TP53INP1: variants seen among roughly 807,000 people sequenced by gnomAD.
TP53INP1 encodes the protein tumor protein p53 inducible nuclear protein 1.
TP53INP1 carries 12 observed loss-of-function variants against 21.0 expected under a neutral mutation model. The observed-to-expected ratio is 0.57, with a 90% confidence interval of 0.37 to 0.93. The LOEUF (loss-of-function observed/expected upper bound fraction) is 0.93. Among genes scored for constraint, TP53INP1 ranks in the 40% least tolerant of loss-of-function variants. The pLI, the probability that TP53INP1 is intolerant of heterozygous loss-of-function variation, is 0.01. For synonymous variants in TP53INP1, 91 were observed against 94.8 expected (o/e 0.96, Z 0.23); for missense variants, 274 against 294.7 (o/e 0.93, Z 0.51).
chr8:94,939,773 C>T (rs1367792955), intron 3 of TP53INP1, 87 bp downstream of exon 3: 1 of 1,533,176 alleles, frequency 6.5e-7, no homozygotes, highest in Non-Finnish European at 8.8e-7. Context: ...AGTTTTGCAT[C>T]TTCTAATAAC....
At chr8:94,948,782 G>A (rs1020698344) in intron 1 of TP53INP1, among the ~76,000 whole-genome samples, 1 of 152,116 alleles carries the variant, frequency 6.6e-6, no homozygotes, top group African/African-American at 2.4e-5. Context: ...GAGTGAGGAG[G>A]GGTGAGAGGA....
rs1464032704 is a variant in TP53INP1, at chr8:94,945,050, TATC to T, written c.-150-3962_-150-3960del. 2.0e-5 allele frequency among the ~76,000 whole-genome samples: 3 copies of T among 152,370 alleles called. No homozygotes were observed. In the East Asian group the frequency reaches 5.8e-4, roughly 29 times the overall value. The stretch of plus-strand genomic sequence containing the variant: ...ACATGAACACTTGAAATGTGACTAG[TATC>T]ATCGAGAAACTGCATTTTTCATTTT... On this transcript the variant is annotated intron_variant, in intron 1 of 3. Coordinates refer to ENST00000342697, the MANE Select transcript of TP53INP1 (RefSeq NM_033285.4).
chr8:94,937,253 A>G (rs763340276), intron 3 of TP53INP1, among the ~76,000 whole-genome samples: 12 of 152,070 alleles, frequency 7.9e-5, no homozygotes, highest in Non-Finnish European at 1.3e-4. Flanking sequence ...CTAGCCTGGC[A>G]AATATGGTGA....
chr8:94,944,834 G>A (rs1195598090), intron 1 of TP53INP1, among the ~76,000 whole-genome samples: 1 of 152,106 alleles, frequency 6.6e-6, no homozygotes, highest in Non-Finnish European at 1.5e-5. Flanking sequence ...TGGGGAGACT[G>A]CGCTGAATCA....
chr8:94,946,760 C>G (rs1356564860), intron 1 of TP53INP1, among the ~76,000 whole-genome samples: 1 of 142,224 alleles, frequency 7.0e-6, no homozygotes, highest in African/African-American at 2.6e-5. Context: ...CTGCTACTTG[C>G]AACCTATGTG....
chr8:94,935,126 GATAT>G (rs112603476), intron 3 of TP53INP1, among the ~76,000 whole-genome samples: 1 of 97,806 alleles, frequency 1.0e-5, no homozygotes, highest in East Asian at 2.8e-4. Context: ...TAGGTAGATA[GATAT>G]AGATAGATAG....
intron 3 of TP53INP1, among the ~76,000 whole-genome samples, chr8:94,934,319 AC>A (rs1227099130): frequency 6.6e-6 from 1 of 152,114 alleles, no homozygotes; most frequent in Non-Finnish European, 1.5e-5. Context: ...CTGACTACAC[AC>A]ACACACAACA....
At chr8:94,931,983 G>T (rs1012693649) in intron 3 of TP53INP1, 19 of 1,359,116 alleles carry the variant, frequency 1.4e-5, no homozygotes, top group Non-Finnish European at 1.9e-5. Context: ...AAAAAAGAAA[G>T]AAAGTCATTT....
intron 3 of TP53INP1, 137 bp downstream of exon 3, chr8:94,939,723 G>GT: frequency 8.1e-7 from 1 of 1,235,438 alleles, no homozygotes; most frequent in Non-Finnish European, 1.1e-6. Flanking sequence ...GGACCATCTT[G>GT]TGTACTATGC....
chr8:94,948,731 A>G (rs1822244192), intron 1 of TP53INP1, among the ~76,000 whole-genome samples: 3 of 152,088 alleles, frequency 2.0e-5, no homozygotes, highest in African/African-American at 4.8e-5. Flanking sequence ...GGGCGGCCCC[A>G]TCCAACGGCC....
chr8:94,932,243 A>C, intron 3 of TP53INP1: 1 of 863,752 alleles, frequency 1.2e-6, no homozygotes, highest in Non-Finnish European at 1.8e-6. Context: ...CATGTGCTTA[A>C]GATAACATGT....
intron 3 of TP53INP1, among the ~76,000 whole-genome samples, chr8:94,933,384 A>AG (rs1295824604): frequency 6.7e-6 from 1 of 150,100 alleles, no homozygotes; most frequent in Non-Finnish European, 1.5e-5. Flanking sequence ...ACCTTGAAAA[A>AG]GAAGGAAGGA....
At chr8:94,944,166 C>T (rs1821794477) in intron 1 of TP53INP1, among the ~76,000 whole-genome samples, 1 of 152,202 alleles carries the variant, frequency 6.6e-6, no homozygotes, top group African/African-American at 2.4e-5. Flanking sequence ...TTCTGCAGAG[C>T]ATGGTGCTGG....
chr8:94,936,907 C>T (rs1353832451), intron 3 of TP53INP1, among the ~76,000 whole-genome samples: 1 of 152,162 alleles, frequency 6.6e-6, no homozygotes, highest in African/African-American at 2.4e-5. Flanking sequence ...GAGAACCGTT[C>T]TGCCAGCCAG....
At chr8:94,939,801 T>A (rs950997480) in intron 3 of TP53INP1, 59 bp downstream of exon 3, 3 of 1,564,626 alleles carry the variant, frequency 1.9e-6, no homozygotes. Flanking sequence ...TGAATTACAG[T>A]AGAGACAAAA....
chr8:94,938,498 A>G (rs1432341087), intron 3 of TP53INP1, among the ~76,000 whole-genome samples: 2 of 152,220 alleles, frequency 1.3e-5, no homozygotes, highest in Non-Finnish European at 2.9e-5. Flanking sequence ...CAGCTTCAGG[A>G]TGGGATGTGG....
chr8:94,939,999 T>A lies in TP53INP1; in HGVS notation c.334A>T (p.Ile112Phe). The A allele has an allele frequency of 1.4e-5, 22 of 1,614,204 alleles. No individual in the cohort carries two copies. The highest frequency in any genetic ancestry group is 1.9e-5 in the Non-Finnish European group (22 of 1,180,030). Residue 112 changes from isoleucine to phenylalanine, a missense_variant, in exon 3 of 4, where the codon ATC becomes TTC. Ile to Phe is a conservative substitution (Grantham distance 21). Transcript: ENST00000342697. ...PCFTAGGLTT[I>F]KVETSPMENL... ...TCCATAGGACTTGTTTCCACCTTGA[T>A]AGTGGTTAATCCACCTGCAGTAAAA...
intron 1 of TP53INP1, among the ~76,000 whole-genome samples, chr8:94,944,787 T>C (rs1018894276): frequency 6.6e-6 from 1 of 152,204 alleles, no homozygotes; most frequent in African/African-American, 2.4e-5. Flanking sequence ...TGGAGCTAAA[T>C]TGGCCCTTCT....
intron 3 of TP53INP1, among the ~76,000 whole-genome samples, chr8:94,933,164 C>T (rs1304746022): frequency 6.6e-6 from 1 of 152,144 alleles, no homozygotes; most frequent in Non-Finnish European, 1.5e-5. Context: ...TGCAGTGAGC[C>T]GAGATTGCGC....
Sources: allele counts gnomAD v4.1 joint callset (sites outside exome capture counted in the v4.1 genomes callset), GRCh38; gene constraint gnomAD v4.1.1; transcripts MANE v1.5; gene names NCBI Gene and HGNC (gene_info 2026-07-23, HGNC 2026-07-21).